The following PDK1 variants were observed in gnomAD, a reference collection of about 807,000 sequenced individuals.
PDK1 encodes the protein pyruvate dehydrogenase kinase 1.
PDK1 carries 39 observed loss-of-function variants against 54.2 expected under a neutral mutation model. That is an observed-to-expected ratio of 0.72 (90% CI 0.56 to 0.94). The LOEUF (loss-of-function observed/expected upper bound fraction) is 0.94, where lower values mean the gene tolerates loss of function less well. Among genes scored for constraint, PDK1 ranks in the 40% least tolerant of loss-of-function variants. The probability of loss-of-function intolerance (pLI) is 0.00; values close to 1 mark genes in which losing one functional copy is unlikely to be tolerated. For missense variants in PDK1, 552 were observed against 566.0 expected (o/e 0.98, Z 0.25); for synonymous variants, 221 against 207.1 (o/e 1.07, Z -0.58).
the PDK1 span, among the ~76,000 whole-genome samples, chr2:172,643,763 GC>G: frequency 3.9e-5 from 6 of 152,158 alleles, no homozygotes; most frequent in Non-Finnish European, 7.4e-5. Flanking sequence ...AGTTCTCCCT[GC>G]CCCACCGTGA....
At chr2:172,717,742 C>A in the PDK1 span, among the ~76,000 whole-genome samples, 2 of 152,074 alleles carry the variant, frequency 1.3e-5, no homozygotes, top group Non-Finnish European at 2.9e-5. Flanking sequence ...AGGAAATATG[C>A]CCTAAATTGG....
At chr2:172,576,052 C>T (rs951750309) in intron 8 of PDK1, among the ~76,000 whole-genome samples, 37 of 151,888 alleles carry the variant, frequency 2.4e-4, no homozygotes, top group African/African-American at 6.5e-4. Context: ...CTCAGCCTCC[C>T]GAGTAGCTAG....
the PDK1 span, among the ~76,000 whole-genome samples, chr2:172,703,981 C>G: frequency 6.6e-6 from 1 of 151,926 alleles, no homozygotes; most frequent in Non-Finnish European, 1.5e-5. Flanking sequence ...ACCATGTTAG[C>G]TAGGCTGGTC....
chr2:172,605,492 C>T lies in PDK1; in HGVS notation c.*9523C>T, dbSNP rs547222396. 6.6e-5 allele frequency: 10 copies of T among 151,192 alleles called. No homozygotes were observed. In the East Asian group the frequency reaches 9.8e-4, roughly 15 times the overall value. 9.4% of individuals were successfully genotyped at this position (151,192 alleles called of 1,614,324 possible). Reference sequence around the variant, plus strand: ...CTGGGTTCAAGTGATTCTCCTGCCTCAGCCTCCAAGTAGCTGGGACTACAG... The same window carrying T: ...CTGGGTTCAAGTGATTCTCCTGCCTTAGCCTCCAAGTAGCTGGGACTACAG... On this transcript the variant is annotated 3_prime_UTR_variant, in exon 11 of 11. Coordinates refer to ENST00000282077, the MANE Select transcript of PDK1 (RefSeq NM_002610.5).
chr2:172,562,285 T>G lies in PDK1; in HGVS notation c.404T>G (p.Ile135Ser). ...AAAAGTGCTGAGGATGCTAAAGCTA[T>G]TTATGAGTAAGTTCACTATTTTGAC... ...KDKSAEDAKA[I>S]YDFTDTVIRI... The change falls in exon 3 of 11, where the codon ATT becomes AGT. Residue 135 changes from isoleucine to serine, a missense_variant. By Grantham distance (142) the Ile-to-Ser change is moderately radical (BLOSUM62 -2). Transcript: ENST00000282077. 1 of 1,583,786 alleles carries G rather than the reference T, an allele frequency of 6.3e-7. No individual in the cohort carries two copies. The highest frequency in any genetic ancestry group is 8.7e-7 in the Non-Finnish European group (1 of 1,152,822).
At chr2:172,633,346 C>A in the PDK1 span, among the ~76,000 whole-genome samples, 1 of 150,510 alleles carries the variant, frequency 6.6e-6, no homozygotes, top group East Asian at 2.0e-4. Context: ...ATGAGCCTGG[C>A]CCTATTTGAT....
the PDK1 span, among the ~76,000 whole-genome samples, chr2:172,650,519 A>G: frequency 6.6e-6 from 1 of 152,206 alleles, no homozygotes; most frequent in Non-Finnish European, 1.5e-5. Flanking sequence ...AAATGCTCCA[A>G]TTAAAAGACA....
chr2:172,556,089 C>T (rs1157152822), upstream of PDK1: 3 of 1,238,396 alleles, frequency 2.4e-6, no homozygotes, highest in African/African-American at 3.2e-5. Flanking sequence ...CCTCACGTAC[C>T]ACTCGGCAGA....
chr2:172,561,016 A>C (rs1204821209), intron 2 of PDK1, among the ~76,000 whole-genome samples: 1 of 152,246 alleles, frequency 6.6e-6, no homozygotes, highest in Non-Finnish European at 1.5e-5. Flanking sequence ...AAAAAGCAAA[A>C]TATGACTGCT....
At chr2:172,680,227 C>A in the PDK1 span, among the ~76,000 whole-genome samples, 14 of 152,204 alleles carry the variant, frequency 9.2e-5, no homozygotes, top group Admixed American at 2.0e-4. Context: ...GAATTGCAAG[C>A]TCTCGGAAGG....
At chr2:172,682,262 G>C in the PDK1 span, among the ~76,000 whole-genome samples, 103 of 152,342 alleles carry the variant, frequency 6.8e-4, 1 homozygote, top group South Asian at 0.021. Context: ...AGAGAGAGCA[G>C]GGGGAGAATA....
At chr2:172,708,418 G>A in the PDK1 span, among the ~76,000 whole-genome samples, 1 of 152,236 alleles carries the variant, frequency 6.6e-6, no homozygotes, top group African/African-American at 2.4e-5. Flanking sequence ...TGCTTTAACT[G>A]TAGGGGGAGG....
downstream of PDK1, among the ~76,000 whole-genome samples, chr2:172,609,315 TTTAA>T (rs1182193000): frequency 6.6e-6 from 1 of 152,226 alleles, no homozygotes; most frequent in Non-Finnish European, 1.5e-5. Flanking sequence ...GTCAGGTACA[TTTAA>T]TTAAGGTAAA....
the PDK1 span, among the ~76,000 whole-genome samples, chr2:172,616,483 C>T: frequency 1.3e-5 from 2 of 152,192 alleles, no homozygotes; most frequent in East Asian, 1.9e-4. Flanking sequence ...AAAAAACCAA[C>T]ACGAACAAAA....
At chr2:172,614,883 T>C in the PDK1 span, among the ~76,000 whole-genome samples, 1 of 152,074 alleles carries the variant, frequency 6.6e-6, no homozygotes, top group African/African-American at 2.4e-5. Flanking sequence ...AAAATTAAGT[T>C]AACAGATAAC....
chr2:172,685,287 C>G, the PDK1 span, among the ~76,000 whole-genome samples: 1 of 152,226 alleles, frequency 6.6e-6, no homozygotes, highest in East Asian at 1.9e-4. Context: ...AAGCCCTCCT[C>G]TAGTCATAGA....
the PDK1 span, among the ~76,000 whole-genome samples, chr2:172,647,623 A>G: frequency 2.6e-5 from 4 of 152,234 alleles, no homozygotes; most frequent in African/African-American, 9.6e-5. Context: ...GAAGGAAAAG[A>G]GACAATTCAT....
chr2:172,567,119 A>C (rs1048235749), intron 6 of PDK1, among the ~76,000 whole-genome samples, 186 bp downstream of exon 6: 1 of 152,252 alleles, frequency 6.6e-6, no homozygotes, highest in African/African-American at 2.4e-5. Flanking sequence ...CTTTATGAAA[A>C]GATTTGGCTT....
At chr2:172,722,096 A>G in the PDK1 span, among the ~76,000 whole-genome samples, 2 of 152,232 alleles carry the variant, frequency 1.3e-5, no homozygotes, top group Admixed American at 6.5e-5. Flanking sequence ...GCATTCCTCC[A>G]TGCTCCTTCC....
Sources: gnomAD v4.1 joint callset for allele counts (sites outside exome capture counted in the v4.1 genomes callset) on GRCh38, gnomAD v4.1.1 for gene constraint, MANE v1.5 for transcripts, NCBI Gene and HGNC (gene_info 2026-07-23, HGNC 2026-07-21) for gene names.